TP63: variants seen among roughly 807,000 people sequenced by gnomAD.
The protein encoded by TP63 is tumor protein 63.
Under a neutral mutation model 82.8 loss-of-function variants are expected in TP63, and 17 were observed. That is an observed-to-expected ratio of 0.21 (90% confidence interval 0.14 to 0.31). The LOEUF (loss-of-function observed/expected upper bound fraction) is 0.31. Ranked by LOEUF, TP63 falls within the 10% of genes least tolerant of loss-of-function variation. The probability of loss-of-function intolerance (pLI) is 1.00; values close to 1 mark genes in which losing one functional copy is unlikely to be tolerated. For synonymous variants in TP63, 330 were observed against 321.7 expected (o/e 1.03, Z -0.28); for missense variants, 648 against 895.3 (o/e 0.72, Z 3.52).
chr3:189,653,292 C>T (rs909901802), intron 1 of TP63, among the ~76,000 whole-genome samples: 1 of 152,098 alleles, frequency 6.6e-6, no homozygotes, highest in African/African-American at 2.4e-5. Context: ...TGTGGTTTCT[C>T]GACACTGACC....
chr3:189,634,100 C>T (rs1049147474), intron 1 of TP63, among the ~76,000 whole-genome samples: 1 of 151,972 alleles, frequency 6.6e-6, no homozygotes, highest in African/African-American at 2.4e-5. Context: ...TTTGATACCT[C>T]ATGAGTAAAT....
At chr3:189,597,328 G>A in the TP63 span, among the ~76,000 whole-genome samples, 3 of 152,156 alleles carry the variant, frequency 2.0e-5, no homozygotes, top group African/African-American at 7.2e-5. Flanking sequence ...CAAAATATGG[G>A]TAAAGCTGAA....
intron 10 of TP63, among the ~76,000 whole-genome samples, chr3:189,882,647 A>G (rs1233948804): frequency 6.6e-6 from 1 of 152,150 alleles, no homozygotes; most frequent in Non-Finnish European, 1.5e-5. Context: ...TTTAGCCAAA[A>G]GAAGGAATCT....
intron 4 of TP63, among the ~76,000 whole-genome samples, chr3:189,826,086 T>G (rs1049764272): frequency 1.9e-4 from 29 of 152,220 alleles, no homozygotes; most frequent in African/African-American, 5.8e-4. Flanking sequence ...CTTAAAGTTT[T>G]ATGGTTCTTT....
the TP63 span, among the ~76,000 whole-genome samples, chr3:189,597,966 A>G: frequency 6.6e-6 from 1 of 152,090 alleles, no homozygotes; most frequent in African/African-American, 2.4e-5. Context: ...ATTTTGAAAA[A>G]TAGAAGGAGA....
chr3:189,772,982 A>G (rs1723489133), intron 3 of TP63, among the ~76,000 whole-genome samples: 1 of 152,240 alleles, frequency 6.6e-6, no homozygotes, highest in Non-Finnish European at 1.5e-5. Flanking sequence ...GTAAGGAGAC[A>G]ACGGGGTCTT....
At chr3:189,697,230 T>TA (rs201196955) in intron 1 of TP63, among the ~76,000 whole-genome samples, 1 of 96,058 alleles carries the variant, frequency 1.0e-5, no homozygotes. Flanking sequence ...ATGTCTAGGT[T>TA]CAGTTTTTTT....
intron 3 of TP63, among the ~76,000 whole-genome samples, chr3:189,771,326 A>ATATATAATATATTATATATT (rs1553835368): frequency 0.01 from 1,394 of 135,108 alleles, 23 homozygotes; most frequent in African/African-American, 0.038. Context: ...TTATATATTT[A>ATATATAATATATTATATATT]TATATAATAT....
chr3:189,792,288 G>A (rs1158268766), intron 3 of TP63, among the ~76,000 whole-genome samples: 3 of 152,038 alleles, frequency 2.0e-5, no homozygotes, highest in Non-Finnish European at 4.4e-5. Flanking sequence ...GAGGCCGCAA[G>A]CAAGCTCCAC....
chr3:189,820,991 C>T (rs906805707), intron 4 of TP63, among the ~76,000 whole-genome samples: 6 of 151,980 alleles, frequency 3.9e-5, no homozygotes, highest in Admixed American at 6.6e-5. Context: ...CAAAATATAC[C>T]CACTACTTTA....
chr3:189,838,838 T>G (rs1175726401), intron 4 of TP63, among the ~76,000 whole-genome samples: 1 of 152,126 alleles, frequency 6.6e-6, no homozygotes, highest in Non-Finnish European at 1.5e-5. Flanking sequence ...TTCAGCATAT[T>G]GGTTTCCTGT....
chr3:189,835,063 A>G (rs1259258656), intron 4 of TP63, among the ~76,000 whole-genome samples: 1 of 152,138 alleles, frequency 6.6e-6, no homozygotes, highest in East Asian at 1.9e-4. Context: ...TTTTTCATGC[A>G]GTCCCTAATT....
intron 1 of TP63, among the ~76,000 whole-genome samples, chr3:189,704,747 T>A (rs1718075907): frequency 6.6e-6 from 1 of 152,236 alleles, no homozygotes; most frequent in South Asian, 2.1e-4. Flanking sequence ...GTATATAATT[T>A]TTCACAATTC....
chr3:189,682,159 C>T (rs1222245680), intron 1 of TP63, among the ~76,000 whole-genome samples: 1 of 152,098 alleles, frequency 6.6e-6, no homozygotes, highest in Non-Finnish European at 1.5e-5. Context: ...AGAGTGATGA[C>T]ATTCTTAATA....
At chr3:189,727,250 A>G (rs1407426043) in intron 1 of TP63, among the ~76,000 whole-genome samples, 4 of 152,222 alleles carry the variant, frequency 2.6e-5, no homozygotes, top group Non-Finnish European at 4.4e-5. Context: ...TTTATTGTGT[A>G]AGATTGTTCA....
chr3:189,690,130 GC>G (rs1716801534), intron 1 of TP63, among the ~76,000 whole-genome samples: 1 of 151,950 alleles, frequency 6.6e-6, no homozygotes, highest in African/African-American at 2.4e-5. Flanking sequence ...GGGAAAAATC[GC>G]TTTTTCTTTT....
At chr3:189,671,849 A>G (rs891555340) in intron 1 of TP63, among the ~76,000 whole-genome samples, 2 of 152,118 alleles carry the variant, frequency 1.3e-5, no homozygotes, top group African/African-American at 4.8e-5. Context: ...TTGAGTTAAT[A>G]GAAGTAGTGA....
chr3:189,849,567 T>A (rs987996664), intron 4 of TP63, among the ~76,000 whole-genome samples: 7 of 152,154 alleles, frequency 4.6e-5, no homozygotes, highest in African/African-American at 1.7e-4. Context: ...AAACACAGTT[T>A]GAGCATTTCC....
intron 3 of TP63, among the ~76,000 whole-genome samples, chr3:189,780,661 G>A (rs1286422708): frequency 6.6e-6 from 1 of 152,174 alleles, no homozygotes; most frequent in African/African-American, 2.4e-5. Flanking sequence ...AGTGGAAATT[G>A]TTTTCAGAGA....
Sources: allele counts gnomAD v4.1 joint callset (sites outside exome capture counted in the v4.1 genomes callset), GRCh38; gene constraint gnomAD v4.1.1; transcripts MANE v1.5; gene names NCBI Gene and HGNC (gene_info 2026-07-23, HGNC 2026-07-21).